FUT8: variants seen among roughly 807,000 people sequenced by gnomAD.
FUT8 encodes alpha-(1,6)-fucosyltransferase.
In FUT8, 29 loss-of-function variants were observed where a neutral mutation model predicts 71.3. The ratio of observed to expected loss-of-function variants is 0.41; its 90% confidence interval spans 0.30 to 0.55. The LOEUF is 0.55. FUT8 is among the 20% of genes least tolerant of loss of function. The pLI is 0.34. For missense variants in FUT8, 544 were observed against 702.1 expected, an observed-to-expected ratio of 0.77 and a Z score of 2.55; for synonymous variants, 254 against 239.3, an observed-to-expected ratio of 1.06 and a Z score of -0.57.
At chr14:65,668,640 TAGAG>T (rs1004878553) in intron 6 of FUT8, among the ~76,000 whole-genome samples, 13 of 152,088 alleles carry the variant, frequency 8.5e-5, no homozygotes, top group Non-Finnish European at 4.4e-5. Context: ...TCAAAGAACT[TAGAG>T]AGCTACTATT....
chr14:65,446,505 T>G (rs936867728), intron 1 of FUT8, among the ~76,000 whole-genome samples: 2 of 152,208 alleles, frequency 1.3e-5, no homozygotes, highest in African/African-American at 4.8e-5. Context: ...AATTATTTCT[T>G]TTTAATTTAT....
chr14:65,404,416 C>T, the FUT8 span, among the ~76,000 whole-genome samples: 1 of 151,930 alleles, frequency 6.6e-6, no homozygotes, highest in Non-Finnish European at 1.5e-5. Flanking sequence ...TTGTGATTCA[C>T]CCACCTCGGC....
intron 1 of FUT8, among the ~76,000 whole-genome samples, chr14:65,453,051 G>T (rs1315947627): frequency 6.6e-6 from 1 of 151,800 alleles, no homozygotes; most frequent in Non-Finnish European, 1.5e-5. Context: ...TAACCTGCTA[G>T]TTAATTAATT....
intron 2 of FUT8, among the ~76,000 whole-genome samples, chr14:65,521,872 T>C (rs1403447510): frequency 5.9e-5 from 9 of 151,650 alleles, no homozygotes; most frequent in African/African-American, 1.7e-4. Context: ...CTTCTTCTTT[T>C]TTTTTTTTTT....
At chr14:65,528,024 C>T (rs990257264) in intron 2 of FUT8, among the ~76,000 whole-genome samples, 6 of 152,164 alleles carry the variant, frequency 3.9e-5, no homozygotes, top group Non-Finnish European at 7.3e-5. Context: ...GCAGTGTGTC[C>T]GTTCTCAGAT....
intron 3 of FUT8, among the ~76,000 whole-genome samples, chr14:65,580,047 C>G (rs923869512): frequency 7.0e-6 from 1 of 142,024 alleles, no homozygotes; most frequent in Non-Finnish European, 1.5e-5. Context: ...TGCATCTCTT[C>G]AAAATACTGA....
intron 3 of FUT8, among the ~76,000 whole-genome samples, chr14:65,589,441 CTTTTTTTT>C (rs35606286): frequency 1.3e-4 from 14 of 109,956 alleles, no homozygotes; most frequent in African/African-American, 1.8e-4. Context: ...TGCCTTAAAT[CTTTTTTTT>C]TTTTTTTTTT....
intron 2 of FUT8, among the ~76,000 whole-genome samples, chr14:65,473,840 G>A (rs2066187427): frequency 6.6e-6 from 1 of 152,114 alleles, no homozygotes; most frequent in African/African-American, 2.4e-5. Context: ...GAAACTTCTG[G>A]TGTCACTGAG....
At chr14:65,487,969 A>G (rs1001101352) in intron 2 of FUT8, among the ~76,000 whole-genome samples, 3 of 152,120 alleles carry the variant, frequency 2.0e-5, no homozygotes, top group Non-Finnish European at 4.4e-5. Context: ...CTAGGACTAC[A>G]AGTGTGTGCC....
At chr14:65,459,208 G>A (rs1445845444) in intron 2 of FUT8, among the ~76,000 whole-genome samples, 3 of 152,134 alleles carry the variant, frequency 2.0e-5, no homozygotes, top group Admixed American at 2.0e-4. Context: ...CAAAGATAAT[G>A]CTGTGCTCAG....
chr14:65,501,597 A>G (rs939969575), intron 2 of FUT8, among the ~76,000 whole-genome samples: 5 of 152,192 alleles, frequency 3.3e-5, no homozygotes, highest in African/African-American at 1.2e-4. Flanking sequence ...CAGTGTGAGG[A>G]AGCTAGCTGC....
intron 2 of FUT8, among the ~76,000 whole-genome samples, chr14:65,513,551 C>A (rs766787299): frequency 2.0e-5 from 3 of 152,112 alleles, no homozygotes; most frequent in Non-Finnish European, 4.4e-5. Flanking sequence ...GAATTAACAA[C>A]ATAGATATGA....
intron 2 of FUT8, among the ~76,000 whole-genome samples, chr14:65,469,643 A>G (rs7150094): frequency 0.7 from 106,401 of 152,094 alleles, 37,523 homozygotes; most frequent in East Asian, 0.9. Context: ...GCCCCTCTCT[A>G]TAGGCAGGTT....
Position 65,697,110 on chromosome 14 carries a change from T to A in FUT8, c.836-24665T>A, listed in dbSNP as rs12050155. Among the ~76,000 whole-genome samples, 12 of 152,350 alleles carry A rather than the reference T, an allele frequency of 7.9e-5. No individual in the cohort carries two copies. In the East Asian group the frequency reaches 2.1e-3, roughly 27 times the overall value. ...CCTTTTAGCATGCCTTGTAATGTTT[T>A]TATTGAAAGCCAAATGTGAGGTATT... On this transcript the variant is annotated intron_variant, in intron 7 of 10. Transcript: ENST00000673929.
chr14:65,582,904 C>T (rs1208805988), intron 3 of FUT8, among the ~76,000 whole-genome samples: 1 of 152,140 alleles, frequency 6.6e-6, no homozygotes, highest in African/African-American at 2.4e-5. Flanking sequence ...TAACGGTCAT[C>T]TTAGACATGC....
At chr14:65,487,533 C>G (rs1026433474) in intron 2 of FUT8, among the ~76,000 whole-genome samples, 2 of 147,218 alleles carry the variant, frequency 1.4e-5, no homozygotes, top group Admixed American at 6.8e-5. Flanking sequence ...ACTGCACACT[C>G]CAGCATGAGC....
intron 1 of FUT8, among the ~76,000 whole-genome samples, chr14:65,451,257 C>A (rs1211636329): frequency 1.3e-5 from 2 of 152,256 alleles, no homozygotes; most frequent in African/African-American, 4.8e-5. Context: ...GCTTTGGCGC[C>A]AGAGGGCTCA....
chr14:65,651,362 A>G (rs1566875959), intron 6 of FUT8, among the ~76,000 whole-genome samples: 1 of 152,246 alleles, frequency 6.6e-6, no homozygotes, highest in Non-Finnish European at 1.5e-5. Flanking sequence ...GAACAGAACA[A>G]CACTAAAAAG....
At chr14:65,381,844 C>T in the FUT8 span, among the ~76,000 whole-genome samples, 1 of 152,284 alleles carries the variant, frequency 6.6e-6, no homozygotes, top group Admixed American at 6.5e-5. Context: ...AAATTAAAAT[C>T]CAGCAACACT....
Sources: gnomAD v4.1 joint callset for allele counts (sites outside exome capture counted in the v4.1 genomes callset) on GRCh38, gnomAD v4.1.1 for gene constraint, MANE v1.5 for transcripts, NCBI Gene and HGNC (gene_info 2026-07-23, HGNC 2026-07-21) for gene names.